The following PLPP3 variants were observed in gnomAD, a reference collection of about 807,000 sequenced individuals.
The protein encoded by PLPP3 is phospholipid phosphatase 3.
A neutral mutation model predicts 29.6 loss-of-function variants in PLPP3; 6 were observed. The ratio of observed to expected loss-of-function variants is 0.20; its 90% CI spans 0.11 to 0.40. PLPP3 has a LOEUF of 0.40. Among genes scored for constraint, PLPP3 ranks in the 10% least tolerant of loss-of-function variants. The pLI is 1.00. For synonymous variants in PLPP3, 152 were observed against 159.7 expected (o/e 0.95, Z 0.36); for missense variants, 308 against 407.7 (o/e 0.76, Z 2.11).
intron 4 of PLPP3, among the ~76,000 whole-genome samples, chr1:56,521,750 T>TCTTCCTTCCCTCTTTCTCTTC (rs1553136798): frequency 6.6e-6 from 1 of 152,150 alleles, no homozygotes; most frequent in Non-Finnish European, 1.5e-5. Context: ...CTCCCTTTTC[T>TCTTCCTTCCCTCTTTCTCTTC]CTTCCTTCCC....
chr1:56,567,206 T>A (rs1011238014), intron 1 of PLPP3, among the ~76,000 whole-genome samples: 3 of 152,148 alleles, frequency 2.0e-5, no homozygotes, highest in African/African-American at 4.8e-5. Context: ...AGTCAGCTTA[T>A]TGTTCTCTGC....
At chr1:56,526,266 G>C (rs140426691) in intron 2 of PLPP3, among the ~76,000 whole-genome samples, 187 of 152,272 alleles carry the variant, frequency 1.2e-3, no homozygotes, top group African/African-American at 4.3e-3. Flanking sequence ...TTACAAAATT[G>C]GAAGTATCCC....
At chr1:56,503,473 C>T (rs1306378569) in intron 5 of PLPP3, among the ~76,000 whole-genome samples, 2 of 152,090 alleles carry the variant, frequency 1.3e-5, no homozygotes, top group African/African-American at 4.8e-5. Context: ...CGGATCACTT[C>T]AGGTGGGGAG....
intron 1 of PLPP3, among the ~76,000 whole-genome samples, chr1:56,560,033 T>C (rs1646110670): frequency 6.6e-6 from 1 of 152,220 alleles, no homozygotes; most frequent in Non-Finnish European, 1.5e-5. Flanking sequence ...TGTTACCACT[T>C]TCAGAAGCCT....
At chr1:56,504,193 G>A (rs920398595) in intron 5 of PLPP3, among the ~76,000 whole-genome samples, 5 of 152,222 alleles carry the variant, frequency 3.3e-5, no homozygotes, top group Non-Finnish European at 7.3e-5. Context: ...TGCGGAGCAT[G>A]CTGCTGTGTG....
At chr1:56,541,532 C>A (rs974847273) in intron 1 of PLPP3, among the ~76,000 whole-genome samples, 3 of 152,068 alleles carry the variant, frequency 2.0e-5, no homozygotes, top group Admixed American at 6.6e-5. Context: ...AGGCTACGTT[C>A]CAACCTTCAA....
At chr1:56,561,110 G>C (rs1389778422) in intron 1 of PLPP3, among the ~76,000 whole-genome samples, 1 of 151,340 alleles carries the variant, frequency 6.6e-6, no homozygotes, top group African/African-American at 2.4e-5. Flanking sequence ...GCCTCCCAAA[G>C]TGCTGGGATT....
intron 2 of PLPP3, among the ~76,000 whole-genome samples, chr1:56,536,166 A>G (rs557753101): frequency 2.0e-5 from 3 of 152,256 alleles, no homozygotes; most frequent in East Asian, 1.9e-4. Context: ...TGATCCTCCA[A>G]CTTTCAAAAA....
At position 56,574,157 on chromosome 1, in the gene PLPP3, G is replaced by A. The variant is rs1274389487; in HGVS notation, c.139+4721C>T. On this transcript the variant is annotated intron_variant, in intron 1 of 5. Transcript: ENST00000371250. ...AGAGGTTGCAGCGAGCCAAGATCAC[G>A]CCATTGCACTCTAGCCTGGGTGACA... 4.7e-5 allele frequency among the ~76,000 whole-genome samples: 7 copies of A among 149,766 alleles called. No individual in the cohort carries two copies. The East Asian group carries it at 5.9e-4, about 13-fold the overall frequency.
chr1:56,561,394 G>A (rs535300172), intron 1 of PLPP3, among the ~76,000 whole-genome samples: 16 of 152,036 alleles, frequency 1.1e-4, no homozygotes, highest in African/African-American at 3.4e-4. Flanking sequence ...ATTATTGACC[G>A]CTGCAAACTC....
intron 1 of PLPP3, among the ~76,000 whole-genome samples, chr1:56,546,207 T>TTCTCCAGGAGCCA (rs760654049): frequency 1.2e-4 from 18 of 152,314 alleles, no homozygotes; most frequent in Non-Finnish European, 1.3e-4. Context: ...CATATACACA[T>TTCTCCAGGAGCCA]TCTCCAGGAG....
At chr1:56,552,949 G>A (rs531593306) in intron 1 of PLPP3, among the ~76,000 whole-genome samples, 5 of 152,258 alleles carry the variant, frequency 3.3e-5, no homozygotes, top group African/African-American at 1.2e-4. Flanking sequence ...ATTCTTCTGC[G>A]AATGAAGAAA....
intron 2 of PLPP3, among the ~76,000 whole-genome samples, chr1:56,527,691 C>T (rs1471082522): frequency 6.6e-6 from 1 of 152,086 alleles, no homozygotes; most frequent in Non-Finnish European, 1.5e-5. Context: ...TCCCCTTGTA[C>T]AGAAGGGTCA....
Sources: allele counts gnomAD v4.1 joint callset (sites outside exome capture counted in the v4.1 genomes callset), GRCh38; gene constraint gnomAD v4.1.1; transcripts MANE v1.5; gene names NCBI Gene and HGNC (gene_info 2026-07-23, HGNC 2026-07-21).